SCN7A: variants seen among roughly 807,000 people sequenced by gnomAD.
The protein encoded by SCN7A is sodium channel protein type 7 subunit alpha.
In SCN7A, 138 loss-of-function variants were observed where a neutral mutation model predicts 155.2. The observed-to-expected ratio is 0.89, with a 90% CI of 0.77 to 1.02. The LOEUF is 1.02. Among genes scored for constraint, SCN7A ranks in the 50% least tolerant of loss-of-function variants. The pLI, the probability that SCN7A is intolerant of heterozygous loss-of-function variation, is 0.00. For synonymous variants in SCN7A, 693 were observed against 649.0 expected (o/e 1.07, Z -1.03); for missense variants, 2,058 against 1,986.6 (o/e 1.04, Z -0.68).
At chr2:166,416,101 C>T (rs145889574) in intron 21 of SCN7A, among the ~76,000 whole-genome samples, 40 of 152,142 alleles carry the variant, frequency 2.6e-4, no homozygotes, top group African/African-American at 9.6e-4. Context: ...TGAGATACGC[C>T]CTGGTCTCCC....
At chr2:166,458,375 G>C (rs1443877348) in intron 10 of SCN7A, among the ~76,000 whole-genome samples, 1 of 148,938 alleles carries the variant, frequency 6.7e-6, no homozygotes, top group Non-Finnish European at 1.5e-5. Flanking sequence ...TCAGTAAATA[G>C]AGTTGGTTCC....
At chr2:166,418,772 T>C (rs575161377) in intron 20 of SCN7A, among the ~76,000 whole-genome samples, 48 of 152,152 alleles carry the variant, frequency 3.2e-4, no homozygotes, top group East Asian at 1.7e-3. Flanking sequence ...ATAAAAAGAG[T>C]GGATATAGTT....
At chr2:166,464,162 ATATG>A (rs978229252) in intron 9 of SCN7A, among the ~76,000 whole-genome samples, 4 of 118,718 alleles carry the variant, frequency 3.4e-5, no homozygotes, top group African/African-American at 1.5e-4. Context: ...ATATATACAC[ATATG>A]TGTGTATATA....
rs200690576 is a variant in SCN7A, at chr2:166,435,724, CAT to C, written c.2158-2974_2158-2973del. The stretch of plus-strand genomic sequence containing the variant: ...GATTATACAAATATATATGGAATAA[CAT>C]ATGTGTCTATGATCATATTTTTTAT... On this transcript the variant is annotated intron_variant, in intron 15 of 25. Coordinates refer to ENST00000643258, the MANE Select transcript of SCN7A (RefSeq NM_002976.4). Among the ~76,000 whole-genome samples, 978 of 152,124 alleles carry C rather than the reference CAT, an allele frequency of 6.4e-3. 14 individuals are homozygous for C. The highest frequency in any genetic ancestry group is 0.022 in the African/African-American group (923 of 41,536).
At chr2:166,422,871 A>C (rs530917857) in intron 19 of SCN7A, among the ~76,000 whole-genome samples, 1 of 152,206 alleles carries the variant, frequency 6.6e-6, no homozygotes, top group South Asian at 2.1e-4. Context: ...TCTAAGTGAG[A>C]AATTTGGGGA....
chr2:166,434,350 C>G (rs1355894648), intron 15 of SCN7A, among the ~76,000 whole-genome samples: 1 of 151,944 alleles, frequency 6.6e-6, no homozygotes, highest in African/African-American at 2.4e-5. Flanking sequence ...TTTAGCATAG[C>G]AATAAAATTT....
chr2:166,417,138 C>G (rs1374704291), intron 20 of SCN7A, among the ~76,000 whole-genome samples, 153 bp from the exon 21 acceptor site: 1 of 152,124 alleles, frequency 6.6e-6, no homozygotes, highest in Non-Finnish European at 1.5e-5. Context: ...CATGCTGGTA[C>G]TGGAATAACC....
At chr2:166,463,483 T>C (rs1326281269) in intron 9 of SCN7A, among the ~76,000 whole-genome samples, 1 of 152,204 alleles carries the variant, frequency 6.6e-6, no homozygotes, top group Non-Finnish European at 1.5e-5. Context: ...GTTGTCTTGT[T>C]GTTTTGGGAT....
At chr2:166,441,805 T>C in intron 14 of SCN7A, 53 bp from the exon 15 acceptor site, 1 of 1,381,174 alleles carries the variant, frequency 7.2e-7, no homozygotes, top group Non-Finnish European at 1.0e-6. Flanking sequence ...AAAAACTTGG[T>C]CAGTGTATAT....
intron 11 of SCN7A, among the ~76,000 whole-genome samples, chr2:166,451,364 T>C (rs1702173393): frequency 6.6e-6 from 1 of 152,236 alleles, no homozygotes; most frequent in African/African-American, 2.4e-5. Context: ...ATAGCTATTT[T>C]ACAGTGAAAA....
chr2:166,450,524 G>A lies in SCN7A; in HGVS notation c.1291-2816C>T, dbSNP rs372904137. The stretch of plus-strand genomic sequence containing the variant: ...TAATCTAAAAGTTCAGGATGTGGAC[G>A]GGTGTGGTGGCTCACGCCTGTAATC... On this transcript the variant is annotated intron_variant, in intron 11 of 25. Coordinates refer to ENST00000643258, the MANE Select transcript of SCN7A (RefSeq NM_002976.4). Among the ~76,000 whole-genome samples, 614 of 152,248 alleles carry A rather than the reference G, an allele frequency of 4.0e-3. 6 individuals are homozygous for A. The highest frequency in any genetic ancestry group is 6.7e-3 in the Non-Finnish European group (456 of 67,998).
At chr2:166,462,318 T>A in intron 10 of SCN7A, 71 bp downstream of exon 10, 1 of 1,448,806 alleles carries the variant, frequency 6.9e-7, no homozygotes, top group Non-Finnish European at 9.2e-7. Flanking sequence ...CTATATTACA[T>A]TTGACCATTA....
intron 7 of SCN7A, 44 bp downstream of exon 7, chr2:166,470,571 A>T (rs772693702): frequency 1.3e-6 from 2 of 1,507,726 alleles, no homozygotes; most frequent in Non-Finnish European, 1.8e-6. Flanking sequence ...ACATGGCAGT[A>T]CATAAAACAA....
rs1701473314 is a variant in SCN7A at position 166,419,761 on chromosome 2, A to G, written c.3135+1429T>C. On this transcript the variant is annotated intron_variant, in intron 20 of 25. Transcript: ENST00000643258. The stretch of plus-strand genomic sequence containing the variant: ...TATTTTGGTTTAAAAGCACTGGGCA[A>G]TATCACCACCTTGTGGATCTTCATG... 3.9e-5 allele frequency among the ~76,000 whole-genome samples: 6 copies of G among 152,276 alleles called. No homozygotes were observed. The South Asian group carries it at 1.2e-3, about 32-fold the overall frequency.
chr2:166,441,621 G>A lies in SCN7A; in HGVS notation c.1932C>T (p.Phe644=), dbSNP rs72886662. The A allele has an allele frequency of 1.1e-3, 1,757 of 1,613,840 alleles. 1 individual carries two copies. Among genetic ancestry groups the A allele is most frequent in the Non-Finnish European group, 1.4e-3 (1,629 of 1,179,806 alleles). The part of the protein sequence containing the change: ...LFTFIFFSAA[F]GMKLFGKNYE... Reference sequence around the variant, plus strand: ...AATTCTTACCAAACAGCTTCATGCCGAATGCAGCAGAAAAGAAGATGAATG... The same window carrying A: ...AATTCTTACCAAACAGCTTCATGCCAAATGCAGCAGAAAAGAAGATGAATG... Residue 644 remains phenylalanine, a synonymous_variant, in exon 15 of 26, where the codon TTC becomes TTT. Transcript: ENST00000643258.
intron 18 of SCN7A, among the ~76,000 whole-genome samples, chr2:166,425,202 T>C (rs1701597311): frequency 6.6e-6 from 1 of 152,112 alleles, no homozygotes; most frequent in Admixed American, 6.6e-5. Context: ...GGTAGGTGTC[T>C]TTTAAAAACT....
At chr2:166,464,400 G>T (rs1702481723) in intron 9 of SCN7A, among the ~76,000 whole-genome samples, 1 of 152,000 alleles carries the variant, frequency 6.6e-6, no homozygotes, top group South Asian at 2.1e-4. Context: ...CAACAGGAGG[G>T]AATTACATGA....
At chr2:166,469,043 AGG>A (rs1471313372) in intron 7 of SCN7A, among the ~76,000 whole-genome samples, 1 of 150,688 alleles carries the variant, frequency 6.6e-6, no homozygotes, top group Non-Finnish European at 1.5e-5. Flanking sequence ...TTTCATTTGT[AGG>A]GTCTTTTTCC....
chr2:166,484,545 C>T (rs1213457382), intron 2 of SCN7A, among the ~76,000 whole-genome samples: 1 of 151,278 alleles, frequency 6.6e-6, no homozygotes, highest in Non-Finnish European at 1.5e-5. Flanking sequence ...TGAAAAGCAC[C>T]TACCTATTAT....
Sources: gnomAD v4.1 joint callset for allele counts (sites outside exome capture counted in the v4.1 genomes callset) on GRCh38, gnomAD v4.1.1 for gene constraint, MANE v1.5 for transcripts, NCBI Gene and HGNC (gene_info 2026-07-23, HGNC 2026-07-21) for gene names.